Variants in FBN2 observed in about 807,000 individuals in gnomAD.
The protein encoded by FBN2 is fibrillin 2.
A neutral mutation model predicts 355.6 loss-of-function variants in FBN2; 105 were observed. The observed-to-expected ratio is 0.30, with a 90% CI of 0.25 to 0.35. The LOEUF (loss-of-function observed/expected upper bound fraction) is 0.35. FBN2 is among the 10% of genes least tolerant of loss of function. The pLI, the probability that FBN2 is intolerant of heterozygous loss-of-function variation, is 1.00. For synonymous variants in FBN2, 1,350 were observed against 1,301.2 expected (o/e 1.04, Z -0.81); for missense variants, 3,280 against 3,758.7 (o/e 0.87, Z 3.33).
At chr5:128,512,435 C>A (rs6869810) in intron 5 of FBN2, among the ~76,000 whole-genome samples, 4,729 of 148,442 alleles carry the variant, frequency 0.032, 260 homozygotes, top group African/African-American at 0.11. Flanking sequence ...ATAGCTTGAA[C>A]CGGGGAGGCG....
At chr5:128,470,540 T>C (rs1030329973) in intron 5 of FBN2, among the ~76,000 whole-genome samples, 3 of 152,122 alleles carry the variant, frequency 2.0e-5, no homozygotes, top group African/African-American at 4.8e-5. Flanking sequence ...GGTTTTGCTT[T>C]TGTCTGTCAG....
At chr5:128,298,024 C>A (rs1749578869) in intron 48 of FBN2, among the ~76,000 whole-genome samples, 1 of 150,692 alleles carries the variant, frequency 6.6e-6, no homozygotes, top group Non-Finnish European at 1.5e-5. Context: ...TCTTTTAGGG[C>A]AGGCCTGGTG....
chr5:128,533,770 T>C (rs1209926655), intron 2 of FBN2, among the ~76,000 whole-genome samples: 4 of 152,152 alleles, frequency 2.6e-5, no homozygotes, highest in African/African-American at 2.4e-5. Context: ...ATCCCACTCT[T>C]ATTATATTGA....
chr5:128,522,214 C>G (rs1756450525), intron 4 of FBN2, among the ~76,000 whole-genome samples: 1 of 152,142 alleles, frequency 6.6e-6, no homozygotes, highest in South Asian at 2.1e-4. Context: ...TGGGTTCCCC[C>G]AGGACAAGGG....
In FBN2 at chr5:128,292,918, A is replaced by C. The variant is rs547355775; in HGVS notation, c.6167-1264T>G. On this transcript the variant is annotated intron_variant, in intron 48 of 64. Transcript: ENST00000262464. ...ATCTCCTGAACAGACCTCCAGTACAATGTCTGTCACATTGTATTATAAGGA... is the reference window on the plus strand; with the variant it reads ...ATCTCCTGAACAGACCTCCAGTACACTGTCTGTCACATTGTATTATAAGGA... 3.9e-5 allele frequency among the ~76,000 whole-genome samples: 6 copies of C among 152,250 alleles called. No individual in the cohort carries two copies. The South Asian group carries it at 1.2e-3, about 32-fold the overall frequency.
chr5:128,370,343 GA>G (rs1487875870), intron 15 of FBN2, among the ~76,000 whole-genome samples: 1 of 152,052 alleles, frequency 6.6e-6, no homozygotes, highest in Non-Finnish European at 1.5e-5. Context: ...CAACTTGTTG[GA>G]AAAAATTTCA....
intron 7 of FBN2, among the ~76,000 whole-genome samples, chr5:128,412,971 A>G (rs1561444572): frequency 1.3e-5 from 2 of 152,200 alleles, no homozygotes; most frequent in South Asian, 2.1e-4. Flanking sequence ...CACCAGAAAG[A>G]TATCTTACAC....
chr5:128,434,544 T>C (rs1235770427), intron 7 of FBN2, among the ~76,000 whole-genome samples: 1 of 151,138 alleles, frequency 6.6e-6, no homozygotes, highest in Non-Finnish European at 1.5e-5. Flanking sequence ...CTAATTTCTT[T>C]CAGGCACTGA....
intron 5 of FBN2, among the ~76,000 whole-genome samples, chr5:128,494,584 C>G (rs1457497881): frequency 6.6e-6 from 1 of 152,142 alleles, no homozygotes; most frequent in Admixed American, 6.5e-5. Flanking sequence ...TGAGGCCTAA[C>G]AGATGGGTGT....
intron 18 of FBN2, 36 bp downstream of exon 18, chr5:128,364,564 T>C (rs1751718906): frequency 1.3e-6 from 2 of 1,595,940 alleles, no homozygotes; most frequent in Non-Finnish European, 1.7e-6. Flanking sequence ...TTAAACTATA[T>C]GAAATGTTCT....
chr5:128,287,501 T>C, intron 53 of FBN2, 71 bp from the exon 54 acceptor site: 2 of 1,553,402 alleles, frequency 1.3e-6, no homozygotes, highest in South Asian at 2.2e-5. Flanking sequence ...AATGTTGATG[T>C]CATTTACTTG....
chr5:128,484,959 G>C (rs919923756), intron 5 of FBN2, among the ~76,000 whole-genome samples: 1 of 152,024 alleles, frequency 6.6e-6, no homozygotes, highest in Admixed American at 6.6e-5. Context: ...AGATACATAC[G>C]CATATAACCT....
At chr5:128,481,706 T>C (rs1755193658) in intron 5 of FBN2, among the ~76,000 whole-genome samples, 1 of 152,204 alleles carries the variant, frequency 6.6e-6, no homozygotes, top group Non-Finnish European at 1.5e-5. Context: ...TGATTCTTAT[T>C]ATTTGTATTA....
chr5:128,289,974 T>A (rs752360444), intron 50 of FBN2, 27 bp from the exon 51 acceptor site: 1 of 1,384,366 alleles, frequency 7.2e-7, no homozygotes. Context: ...AAATTCTCCA[T>A]TATTGAAGAC....
chr5:128,302,908 T>G, intron 46 of FBN2, 65 bp downstream of exon 46: 1 of 969,274 alleles, frequency 1.0e-6, no homozygotes, highest in Non-Finnish European at 1.7e-6. Flanking sequence ...TTAGTTTTGT[T>G]TTTTATTTCA....
chr5:128,504,754 CT>C (rs1417523743), intron 5 of FBN2, among the ~76,000 whole-genome samples: 2 of 152,124 alleles, frequency 1.3e-5, no homozygotes, highest in African/African-American at 4.8e-5. Context: ...TGGAATTGGA[CT>C]TTTAGGTTAA....
At chr5:128,458,506 A>T (rs1754469764) in intron 6 of FBN2, among the ~76,000 whole-genome samples, 1 of 151,700 alleles carries the variant, frequency 6.6e-6, no homozygotes, top group South Asian at 2.1e-4. Context: ...CAGAATATAC[A>T]TTCTTCTCAG....
chr5:128,536,125 C>T (rs1185360255), intron 2 of FBN2, among the ~76,000 whole-genome samples: 2 of 152,134 alleles, frequency 1.3e-5, no homozygotes, highest in African/African-American at 4.8e-5. Context: ...TCCCCTCTTC[C>T]AATTTGTATT....
chr5:128,505,030 G>A (rs1268239794), intron 5 of FBN2, among the ~76,000 whole-genome samples: 1 of 152,076 alleles, frequency 6.6e-6, no homozygotes, highest in Non-Finnish European at 1.5e-5. Flanking sequence ...TTACAAAGGG[G>A]TTTTCTCCTA....
Sources: allele counts gnomAD v4.1 joint callset (sites outside exome capture counted in the v4.1 genomes callset), GRCh38; gene constraint gnomAD v4.1.1; transcripts MANE v1.5; gene names NCBI Gene and HGNC (gene_info 2026-07-23, HGNC 2026-07-21).